Variants in NAALADL2 observed in about 807,000 individuals in gnomAD.
NAALADL2 encodes N-acetylated alpha-linked acidic dipeptidase like 2.
NAALADL2 carries 76 observed loss-of-function variants against 87.2 expected under a neutral mutation model. The observed-to-expected ratio is 0.87, with a 90% CI of 0.72 to 1.05. NAALADL2 has a LOEUF of 1.05. Among genes scored for constraint, NAALADL2 ranks in the 50% least tolerant of loss-of-function variants. The pLI, the probability that NAALADL2 is intolerant of heterozygous loss-of-function variation, is 0.00. For missense variants in NAALADL2, 1,089 were observed against 945.8 expected, an observed-to-expected ratio of 1.15 and a Z score of -1.99; for synonymous variants, 354 against 331.0, an observed-to-expected ratio of 1.07 and a Z score of -0.75.
At chr3:175,744,173 T>C (rs1049313604) in intron 12 of NAALADL2, among the ~76,000 whole-genome samples, 3 of 152,192 alleles carry the variant, frequency 2.0e-5, no homozygotes, top group African/African-American at 7.2e-5. Flanking sequence ...TCTTTAATAG[T>C]TATACCTAAG....
intron 3 of NAALADL2, among the ~76,000 whole-genome samples, chr3:174,744,377 A>G (rs1402522742): frequency 6.6e-6 from 1 of 151,984 alleles, no homozygotes; most frequent in African/African-American, 2.4e-5. Context: ...TGGTAAAGGG[A>G]TCAATTCAAC....
chr3:175,261,123 A>C (rs80322754), intron 4 of NAALADL2, among the ~76,000 whole-genome samples: 5,198 of 152,246 alleles, frequency 0.034, 277 homozygotes, highest in African/African-American at 0.12. Context: ...TATTTATAAC[A>C]GTTTATTTTT....
At chr3:174,964,966 C>T (rs1389602485) in intron 1 of NAALADL2, among the ~76,000 whole-genome samples, 2 of 151,748 alleles carry the variant, frequency 1.3e-5, no homozygotes, top group Non-Finnish European at 2.9e-5. Flanking sequence ...GGTTGTATTA[C>T]TTATGTATTG....
At chr3:174,782,772 G>A (rs759810635) in intron 3 of NAALADL2, among the ~76,000 whole-genome samples, 9 of 151,934 alleles carry the variant, frequency 5.9e-5, no homozygotes, top group Non-Finnish European at 7.4e-5. Context: ...GGGAAAAGCC[G>A]CTTATAAAAG....
chr3:174,660,357 C>A (rs893374296), intron 2 of NAALADL2, among the ~76,000 whole-genome samples: 12 of 152,078 alleles, frequency 7.9e-5, no homozygotes, highest in African/African-American at 2.9e-4. Flanking sequence ...TAAGTTTTTT[C>A]ATGACAGAAT....
intron 1 of NAALADL2, among the ~76,000 whole-genome samples, chr3:174,882,644 TGC>T (rs1472071612): frequency 7.2e-6 from 1 of 139,036 alleles, no homozygotes; most frequent in Non-Finnish European, 1.5e-5. Flanking sequence ...TACACATATG[TGC>T]ATATACACAT....
intron 4 of NAALADL2, among the ~76,000 whole-genome samples, chr3:175,319,301 G>C (rs1187936075): frequency 6.6e-6 from 1 of 152,154 alleles, no homozygotes; most frequent in Non-Finnish European, 1.5e-5. Context: ...GGTTCTCAAT[G>C]TTAGTTTATT....
At chr3:175,695,995 T>C (rs1737748687) in intron 11 of NAALADL2, among the ~76,000 whole-genome samples, 1 of 152,170 alleles carries the variant, frequency 6.6e-6, no homozygotes, top group Non-Finnish European at 1.5e-5. Context: ...ATTGTGCTGC[T>C]TTTGTTATTC....
intron 5 of NAALADL2, among the ~76,000 whole-genome samples, chr3:175,412,590 A>T (rs533143878): frequency 3.7e-4 from 56 of 152,284 alleles, no homozygotes; most frequent in African/African-American, 1.3e-3. Flanking sequence ...CATTATCATT[A>T]TGAAACATCA....
chr3:175,023,614 A>G (rs1481391375), intron 1 of NAALADL2, among the ~76,000 whole-genome samples: 1 of 152,118 alleles, frequency 6.6e-6, no homozygotes, highest in African/African-American at 2.4e-5. Flanking sequence ...TACCATACAG[A>G]GATACTGAAT....
At chr3:174,879,743 C>T (rs1728959624) in intron 1 of NAALADL2, among the ~76,000 whole-genome samples, 1 of 151,954 alleles carries the variant, frequency 6.6e-6, no homozygotes, top group African/African-American at 2.4e-5. Flanking sequence ...TAGCAAAACC[C>T]CTTTAAATAA....
intron 3 of NAALADL2, chr3:175,235,123 A>G (rs1317943460): frequency 6.6e-6 from 1 of 151,466 alleles, no homozygotes; most frequent in Non-Finnish European, 1.5e-5. Flanking sequence ...AAATAATGTT[A>G]TCTTTCTGAC....
chr3:174,547,035 C>T (rs1012950614), intron 1 of NAALADL2, among the ~76,000 whole-genome samples: 2 of 151,986 alleles, frequency 1.3e-5, no homozygotes, highest in African/African-American at 2.4e-5. Context: ...TCTTTATTTT[C>T]AAAGAGAAGA....
intron 5 of NAALADL2, among the ~76,000 whole-genome samples, chr3:175,432,226 T>G (rs1034083022): frequency 2.0e-5 from 3 of 151,944 alleles, no homozygotes; most frequent in African/African-American, 4.8e-5. Context: ...ATATATAAAG[T>G]GTAAAAATGG....
rs1243946246 is a variant in NAALADL2 at position 175,613,476 on chromosome 3, T to A, written c.1801-13815T>A. ...ATTTTATTCATGTCTGAAATTTATA[T>A]GAAATGAACATACATTTTATTTTTT... On this transcript the variant is annotated intron_variant, in intron 10 of 13. Coordinates refer to ENST00000454872, the MANE Select transcript of NAALADL2 (RefSeq NM_207015.3). Among the ~76,000 whole-genome samples, 3 of 152,354 alleles carry A rather than the reference T, an allele frequency of 2.0e-5. No homozygotes were observed. In the East Asian group the frequency reaches 5.8e-4, roughly 29 times the overall value.
At chr3:175,077,661 T>C (rs1273131765) in intron 1 of NAALADL2, among the ~76,000 whole-genome samples, 7 of 152,176 alleles carry the variant, frequency 4.6e-5, no homozygotes, top group Admixed American at 2.6e-4. Context: ...AGTAATATCA[T>C]AAATATACTA....
At position 175,628,617 on chromosome 3, in the gene NAALADL2, GTATA is replaced by G. The variant is rs34276529; in HGVS notation, c.1896+1247_1896+1250del. Among the ~76,000 whole-genome samples, 773 of 139,198 alleles carry G rather than the reference GTATA, an allele frequency of 5.6e-3. 9 individuals carry two copies. The highest frequency in any genetic ancestry group is 0.015 in the African/African-American group (593 of 38,378). 91.3% of individuals were successfully genotyped at this position (139,198 alleles called of 152,430 possible). On this transcript the variant is annotated intron_variant, in intron 11 of 13. Coordinates refer to ENST00000454872, the MANE Select transcript of NAALADL2 (RefSeq NM_207015.3). ...CCATTAAAATAATCTCTCTCTCTAT[GTATA>G]TATATATATATATATGAATTATTTA...
At chr3:175,701,505 A>G (rs1160366552) in intron 11 of NAALADL2, among the ~76,000 whole-genome samples, 1 of 152,130 alleles carries the variant, frequency 6.6e-6, no homozygotes. Context: ...TTTGGATTTC[A>G]AACACGTATT....
intron 2 of NAALADL2, among the ~76,000 whole-genome samples, chr3:174,637,024 G>A (rs1449317571): frequency 3.3e-5 from 5 of 152,094 alleles, no homozygotes; most frequent in Non-Finnish European, 5.9e-5. Flanking sequence ...TTGCAGCAAC[G>A]TGGATAGAAC....
Sources: gnomAD v4.1 joint callset for allele counts (sites outside exome capture counted in the v4.1 genomes callset) on GRCh38, gnomAD v4.1.1 for gene constraint, MANE v1.5 for transcripts, NCBI Gene and HGNC (gene_info 2026-07-23, HGNC 2026-07-21) for gene names.